Variants in EIF2AK4 observed in about 807,000 individuals in gnomAD.
EIF2AK4 encodes eIF-2-alpha kinase GCN2.
EIF2AK4 carries 139 observed loss-of-function variants against 211.1 expected under a neutral mutation model. The ratio of observed to expected loss-of-function variants is 0.66; its 90% confidence interval spans 0.57 to 0.76. The LOEUF (loss-of-function observed/expected upper bound fraction) is 0.76, where lower values mean the gene tolerates loss of function less well. Among genes scored for constraint, EIF2AK4 ranks in the 30% least tolerant of loss-of-function variants. The pLI is 0.00. For missense variants in EIF2AK4, 1,664 were observed against 2,043.8 expected (o/e 0.81, Z 3.58); for synonymous variants, 710 against 751.3 (o/e 0.94, Z 0.90).
intron 6 of EIF2AK4, among the ~76,000 whole-genome samples, chr15:39,957,399 A>G (rs894868681): frequency 6.6e-6 from 1 of 151,922 alleles, no homozygotes; most frequent in Non-Finnish European, 1.5e-5. Flanking sequence ...ACTCCTTCCC[A>G]TCTCAGAGCC....
intron 14 of EIF2AK4, 77 bp from the exon 15 acceptor site, chr15:39,987,906 G>A: frequency 6.6e-7 from 1 of 1,521,398 alleles, no homozygotes; most frequent in South Asian, 1.2e-5. Flanking sequence ...TAAAATGGAG[G>A]ATTATGTAAA....
intron 18 of EIF2AK4, 23 bp from the exon 19 acceptor site, chr15:39,996,941 A>G (rs763115116): frequency 1.4e-5 from 21 of 1,494,208 alleles, no homozygotes; most frequent in Non-Finnish European, 1.9e-5. Flanking sequence ...GGCTCTCTAA[A>G]TGCAATTATT....
chr15:39,958,290 T>C (rs2034419642), intron 6 of EIF2AK4, among the ~76,000 whole-genome samples: 1 of 152,182 alleles, frequency 6.6e-6, no homozygotes, highest in Non-Finnish European at 1.5e-5. Context: ...CCTTCACATA[T>C]TCAGACTTGC....
chr15:39,996,896 C>G (rs1261758444), intron 18 of EIF2AK4, 68 bp from the exon 19 acceptor site: 1 of 1,112,368 alleles, frequency 9.0e-7, no homozygotes, highest in African/African-American at 1.5e-5. Context: ...AATGCTTATC[C>G]TATAATTCCC....
chr15:40,012,960 C>T (rs944210447), intron 27 of EIF2AK4, among the ~76,000 whole-genome samples: 1 of 152,052 alleles, frequency 6.6e-6, no homozygotes. Context: ...AAATGAGACA[C>T]CTGAGGCCCA....
At chr15:39,968,719 C>A (rs960627205) in intron 9 of EIF2AK4, among the ~76,000 whole-genome samples, 6 of 152,268 alleles carry the variant, frequency 3.9e-5, no homozygotes, top group Admixed American at 3.9e-4. Context: ...TGCAACATTT[C>A]TTTTACCCTT....
In EIF2AK4 at chr15:40,035,194, G is replaced by A; in HGVS notation, c.*110G>A. 1.2e-6 allele frequency: 1 copy of A among 864,106 alleles called. No individual in the cohort carries two copies. Among genetic ancestry groups the A allele is most frequent in the Non-Finnish European group, 1.6e-6 (1 of 606,220 alleles). The allele number at this position is 864,106 out of a possible 1,614,324, so 53.5% of individuals were successfully genotyped here. A position where few individuals can be genotyped will look rare whatever the true frequency, so the allele number is the denominator to read the frequency against. On this transcript the variant is annotated 3_prime_UTR_variant, in exon 39 of 39. Coordinates refer to ENST00000263791, the MANE Select transcript of EIF2AK4 (RefSeq NM_001013703.4). ...AAATTAAATTCTAAGAAGAGGCTGGGTGCAGTGGCTCACACCTTTAATCCC... is the reference window on the plus strand; with the variant it reads ...AAATTAAATTCTAAGAAGAGGCTGGATGCAGTGGCTCACACCTTTAATCCC...
chr15:39,993,996 G>T (rs1270916275), intron 18 of EIF2AK4, among the ~76,000 whole-genome samples: 1 of 152,206 alleles, frequency 6.6e-6, no homozygotes, highest in East Asian at 1.9e-4. Context: ...GAATGAGGAA[G>T]GGAAAGAGTC....
Position 40,035,097 on chromosome 15 carries a change from G to A in EIF2AK4, c.*13G>A. ...AATCTTATTTTAACCCTAAAGAACT[G>A]TCGTTAACCTCATTCAAACAGACAG... On this transcript the variant is annotated 3_prime_UTR_variant, in exon 39 of 39. Transcript: ENST00000263791. The A allele has an allele frequency of 1.3e-6, 2 of 1,546,906 alleles. No homozygotes were observed. Among genetic ancestry groups the A allele is most frequent in the African/African-American group, 1.4e-5 (1 of 73,624 alleles).
chr15:39,975,847 G>A (rs1303147262), intron 11 of EIF2AK4, among the ~76,000 whole-genome samples: 1 of 152,160 alleles, frequency 6.6e-6, no homozygotes, highest in Admixed American at 6.5e-5. Context: ...CACCATTTGG[G>A]GTAGTGGAAA....
chr15:39,934,971 G>A lies in EIF2AK4; in HGVS notation c.144+632G>A, dbSNP rs573712721. 7.9e-5 allele frequency among the ~76,000 whole-genome samples: 12 copies of A among 152,276 alleles called. No individual in the cohort carries two copies. The East Asian group carries it at 2.1e-3, about 27-fold the overall frequency. On this transcript the variant is annotated intron_variant, in intron 1 of 38. Transcript: ENST00000263791. The stretch of plus-strand genomic sequence containing the variant: ...GGGTTCTAGACTGAGTCTAGAGAAG[G>A]AGTGTCCAATCTTTTGGCTTCCCTG...
chr15:40,026,237 T>C, intron 33 of EIF2AK4, 148 bp downstream of exon 33: 1 of 696,918 alleles, frequency 1.4e-6, no homozygotes, highest in Non-Finnish European at 2.3e-6. Flanking sequence ...GGGGAATCAC[T>C]TGAGGCCAGG....
Position 39,998,939 on chromosome 15 carries a change from C to T in EIF2AK4, c.2922+155C>T, listed in dbSNP as rs2412457. Among the ~76,000 whole-genome samples the T allele has an allele frequency of 1, 152,325 of 152,326 alleles. 76,162 individuals carry two copies. The highest frequency in any genetic ancestry group is 1 in the Non-Finnish European group (68,036 of 68,036). On this transcript the variant is annotated intron_variant, in intron 20 of 38. Coordinates refer to ENST00000263791, the MANE Select transcript of EIF2AK4 (RefSeq NM_001013703.4). ...TGAAAAGATGAAGCACTTAAAATGT[C>T]ATTAGACTTGAACTACACCATAAAA... is the stretch of plus-strand genomic sequence containing the variant.
intron 2 of EIF2AK4, among the ~76,000 whole-genome samples, chr15:39,942,801 G>A (rs480321): frequency 0.1 from 15,235 of 152,208 alleles, 1,498 homozygotes; most frequent in African/African-American, 0.25. Flanking sequence ...TGATTGGGAT[G>A]CAGCAGTGTG....
intron 2 of EIF2AK4, among the ~76,000 whole-genome samples, chr15:39,942,786 A>G (rs900299631): frequency 1.3e-5 from 2 of 152,220 alleles, no homozygotes; most frequent in African/African-American, 4.8e-5. Flanking sequence ...TTCGATCAGA[A>G]TGAGTGATTG....
intron 33 of EIF2AK4, among the ~76,000 whole-genome samples, chr15:40,029,074 T>A (rs2035503729): frequency 1.3e-5 from 2 of 152,298 alleles, no homozygotes; most frequent in Middle Eastern, 6.8e-3. Context: ...CATGTTTCCT[T>A]GTATTATGAG....
intron 9 of EIF2AK4, among the ~76,000 whole-genome samples, chr15:39,969,783 A>C (rs976965297): frequency 6.6e-6 from 1 of 152,202 alleles, no homozygotes; most frequent in Non-Finnish European, 1.5e-5. Context: ...TTTGCTGTCC[A>C]GCCCTGGTTA....
rs531985236 is a variant in EIF2AK4, at chr15:39,996,831, C to T, written c.2767-133C>T. 4.4e-4 allele frequency: 265 copies of T among 607,874 alleles called. 6 individuals are homozygous for T. In the South Asian group the frequency reaches 5.8e-3, roughly 13 times the overall value. 37.7% of individuals were successfully genotyped at this position (607,874 alleles called of 1,614,324 possible). ...ACCATAATTTTTAAGAACAAATCTT[C>T]GCATTTTTCCAGTGTGACCTGTTTT... On this transcript the variant is annotated intron_variant, in intron 18 of 38. Transcript: ENST00000263791.
chr15:39,937,650 C>T (rs75671548), intron 1 of EIF2AK4, among the ~76,000 whole-genome samples: 9,580 of 151,560 alleles, frequency 0.063, 503 homozygotes, highest in East Asian at 0.3. Context: ...AAACCAAATT[C>T]GTCAAAGTTT....
Sources: allele counts gnomAD v4.1 joint callset (sites outside exome capture counted in the v4.1 genomes callset), GRCh38; gene constraint gnomAD v4.1.1; transcripts MANE v1.5; gene names NCBI Gene and HGNC (gene_info 2026-07-23, HGNC 2026-07-21).